CTIF: variants seen among roughly 807,000 people sequenced by gnomAD.
CTIF encodes cap binding complex dependent translation initiation factor.
CTIF carries 21 observed loss-of-function variants against 66.0 expected under a neutral mutation model. That is an observed-to-expected ratio of 0.32 (90% CI 0.23 to 0.46). The LOEUF (loss-of-function observed/expected upper bound fraction) is 0.46, where lower values mean the gene tolerates loss of function less well. Ranked by LOEUF, CTIF falls within the 20% of genes least tolerant of loss-of-function variation. The probability of loss-of-function intolerance (pLI) is 1.00; values close to 1 mark genes in which losing one functional copy is unlikely to be tolerated. For synonymous variants in CTIF, 345 were observed against 326.4 expected (o/e 1.06, Z -0.62); for missense variants, 739 against 812.7 (o/e 0.91, Z 1.10).
chr18:48,743,904 T>G (rs140245979), intron 7 of CTIF, among the ~76,000 whole-genome samples: 2 of 152,348 alleles, frequency 1.3e-5, no homozygotes, highest in East Asian at 3.9e-4. Flanking sequence ...CCAGTTTTCA[T>G]GAAGGTAAAA....
chr18:48,626,799 GTGCCTGCC>G (rs1049400706), intron 2 of CTIF, among the ~76,000 whole-genome samples: 3 of 151,970 alleles, frequency 2.0e-5, no homozygotes, highest in Admixed American at 2.0e-4. Flanking sequence ...GTGATTACAG[GTGCCTGCC>G]ACCATGCCTG....
chr18:48,850,197 C>G (rs2069171173), intron 10 of CTIF, among the ~76,000 whole-genome samples: 1 of 152,168 alleles, frequency 6.6e-6, no homozygotes, highest in African/African-American at 2.4e-5. Context: ...GTCTCAATGG[C>G]CTTCCTTTTT....
intron 1 of CTIF, among the ~76,000 whole-genome samples, chr18:48,613,860 C>T (rs776554602): frequency 3.4e-4 from 51 of 152,192 alleles, no homozygotes; most frequent in Non-Finnish European, 7.1e-4. Context: ...CCCACACCGG[C>T]CCTCCCCTCC....
chr18:48,629,191 C>T (rs2090656924), intron 2 of CTIF, among the ~76,000 whole-genome samples: 2 of 150,838 alleles, frequency 1.3e-5, no homozygotes, highest in Admixed American at 1.3e-4. Context: ...ACCACCTATG[C>T]ATTCAGACAC....
chr18:48,574,393 A>G (rs873815), intron 1 of CTIF, among the ~76,000 whole-genome samples: 117,611 of 152,282 alleles, frequency 0.77, 46,390 homozygotes, highest in East Asian at 0.96. Context: ...ACGAGTGCAT[A>G]ATATTGCATT....
At chr18:48,669,811 A>T (rs1319763057) in intron 5 of CTIF, among the ~76,000 whole-genome samples, 1 of 105,320 alleles carries the variant, frequency 9.5e-6, no homozygotes, top group East Asian at 3.2e-4. Flanking sequence ...ATATATATAT[A>T]TATATATATA....
At chr18:48,665,140 T>C (rs1008699764) in intron 5 of CTIF, among the ~76,000 whole-genome samples, 1 of 151,672 alleles carries the variant, frequency 6.6e-6, no homozygotes, top group Non-Finnish European at 1.5e-5. Flanking sequence ...GGTCTCGATC[T>C]CCTGACCTCA....
At position 48,761,910 on chromosome 18, in the gene CTIF, A is replaced by G. The variant is rs1024286004; in HGVS notation, c.1371+221A>G. 1.3e-5 allele frequency among the ~76,000 whole-genome samples: 2 copies of G among 152,222 alleles called. No individual in the cohort carries two copies. Among genetic ancestry groups the G allele is most frequent in the Non-Finnish European group, 2.9e-5 (2 of 68,036 alleles). Reference sequence around the variant, plus strand: ...GTGGGCTCCCTGGTTACAATGGACCAATATAATTTTATAGGTGCTTTATGT... The same window carrying G: ...GTGGGCTCCCTGGTTACAATGGACCGATATAATTTTATAGGTGCTTTATGT... On this transcript the variant is annotated intron_variant, in intron 9 of 11. Transcript: ENST00000256413. The surrounding 1 kb of genome is among the most constrained non-coding windows in gnomAD (Gnocchi z 4.2).
intron 6 of CTIF, among the ~76,000 whole-genome samples, chr18:48,676,165 G>A (rs915203303): frequency 6.6e-6 from 1 of 152,134 alleles, no homozygotes; most frequent in Non-Finnish European, 1.5e-5. Flanking sequence ...CCCTAGGTGA[G>A]CATTAGATTT....
At chr18:48,837,038 G>C (rs968909144) in intron 10 of CTIF, among the ~76,000 whole-genome samples, 1 of 152,234 alleles carries the variant, frequency 6.6e-6, no homozygotes, top group Non-Finnish European at 1.5e-5. Context: ...AGCAAAGCCT[G>C]CACTGCCTGG....
At chr18:48,679,936 G>A (rs986582297) in intron 6 of CTIF, among the ~76,000 whole-genome samples, 1 of 152,174 alleles carries the variant, frequency 6.6e-6, no homozygotes, top group Non-Finnish European at 1.5e-5. Context: ...TTGAGAGTGG[G>A]GGAGTCCAGG....
At chr18:48,660,596 G>T (rs2091325725) in intron 3 of CTIF, among the ~76,000 whole-genome samples, 1 of 152,206 alleles carries the variant, frequency 6.6e-6, no homozygotes, top group African/African-American at 2.4e-5. Context: ...GCCCAAGTTT[G>T]CCCTGCCCAG....
Position 48,758,031 on chromosome 18 carries a change from C to G in CTIF, c.697C>G (p.Pro233Ala). 6.2e-7 allele frequency: 1 copy of G among 1,614,066 alleles called. No homozygotes were observed. The highest frequency in any genetic ancestry group is 8.5e-7 in the Non-Finnish European group (1 of 1,179,990). The stretch of plus-strand genomic sequence containing the variant: ...GAAATCCTACCAGGGGGGCTCAGCA[C>G]CCCACCCCTCAGGGAGGCCCACTCA... ...HQKSYQGGSA[P>A]HPSGRPTHHG... The change falls in exon 8 of 12, where the codon CCC (proline) becomes GCC (alanine). Residue 233 changes from proline to alanine, a missense_variant. By Grantham distance (27) the Pro-to-Ala change is conservative. Transcript: ENST00000256413.
intron 10 of CTIF, among the ~76,000 whole-genome samples, chr18:48,829,141 G>A (rs1396767140): frequency 3.9e-5 from 6 of 152,186 alleles, no homozygotes; most frequent in African/African-American, 1.2e-4. Context: ...GGATAGAATC[G>A]TACCTTGCCA....
chr18:48,687,025 G>A (rs915027330), intron 6 of CTIF, among the ~76,000 whole-genome samples: 2 of 152,104 alleles, frequency 1.3e-5, no homozygotes, highest in Non-Finnish European at 2.9e-5. Flanking sequence ...CAATCCTGTC[G>A]AGTCAGAAGT....
At chr18:48,708,248 TG>T (rs2092183580) in intron 6 of CTIF, among the ~76,000 whole-genome samples, 20 of 152,244 alleles carry the variant, frequency 1.3e-4, no homozygotes, top group Admixed American at 1.1e-3. Flanking sequence ...GCTGCACATC[TG>T]GTGACAGGTT....
At chr18:48,718,726 G>A (rs2092305516) in intron 7 of CTIF, among the ~76,000 whole-genome samples, 1 of 152,138 alleles carries the variant, frequency 6.6e-6, no homozygotes, top group African/African-American at 2.4e-5. Context: ...TGTCTTACCA[G>A]CTAACTGGGC....
chr18:48,770,480 G>A (rs999799355), intron 9 of CTIF, among the ~76,000 whole-genome samples: 19 of 152,274 alleles, frequency 1.2e-4, no homozygotes, highest in African/African-American at 4.6e-4. Context: ...ATGTGCAGAG[G>A]CTGAGGGAGC....
intron 7 of CTIF, among the ~76,000 whole-genome samples, chr18:48,749,852 C>G (rs953109405): frequency 6.6e-6 from 1 of 152,176 alleles, no homozygotes; most frequent in African/African-American, 2.4e-5. Context: ...CCCAGAGCCA[C>G]CAGCAGGCTG....
Sources: allele counts gnomAD v4.1 joint callset (sites outside exome capture counted in the v4.1 genomes callset), GRCh38; gene constraint gnomAD v4.1.1; non-coding constraint Gnocchi (gnomAD v3.1); transcripts MANE v1.5; gene names NCBI Gene and HGNC (gene_info 2026-07-23, HGNC 2026-07-21).